PPDPFL: variants seen among roughly 807,000 people sequenced by gnomAD.
The protein encoded by PPDPFL is pancreatic progenitor cell differentiation and proliferation factor like.
A neutral mutation model predicts 12.6 loss-of-function variants in PPDPFL; 12 were observed. The observed-to-expected ratio is 0.95, with a 90% confidence interval of 0.61 to 1.54. The LOEUF (loss-of-function observed/expected upper bound fraction) is 1.54, where lower values mean the gene tolerates loss of function less well. Ranked by LOEUF, PPDPFL falls within the 40% of genes most tolerant of loss-of-function variation. PPDPFL has a pLI of 0.00. For synonymous variants in PPDPFL, 24 were observed against 32.7 expected (o/e 0.73, Z 0.91); for missense variants, 114 against 96.0 (o/e 1.19, Z -0.78).
upstream of PPDPFL, among the ~76,000 whole-genome samples, chr8:49,071,343 G>T (rs999226921): frequency 1.3e-5 from 2 of 152,208 alleles, no homozygotes; most frequent in Non-Finnish European, 2.9e-5. Context: ...AATTTGATGC[G>T]TAAGTCAACT....
At chr8:49,072,301 C>T (rs1396954219), upstream of PPDPFL, 2 of 152,626 alleles carry the variant, frequency 1.3e-5, no homozygotes, top group African/African-American at 4.8e-5. Flanking sequence ...TTCCAGCCAG[C>T]CTGGGGCTTC....
chr8:49,060,981 T>C (rs1808190933), intron 1 of PPDPFL, among the ~76,000 whole-genome samples: 2 of 152,048 alleles, frequency 1.3e-5, no homozygotes, highest in Admixed American at 6.5e-5. Context: ...TCCCCCTACA[T>C]AGTCCTCATG....
chr8:49,063,395 G>C (rs913083378), intron 1 of PPDPFL, among the ~76,000 whole-genome samples: 3 of 152,168 alleles, frequency 2.0e-5, no homozygotes, highest in Non-Finnish European at 2.9e-5. Flanking sequence ...CATCCTGGGA[G>C]AAATGGCTGA....
Position 49,072,868 on chromosome 8 carries a change from G to T in PPDPFL, c.38G>T (p.Arg13Ile), listed in dbSNP as rs764015093. 2 of 1,606,390 alleles carry T rather than the reference G, an allele frequency of 1.2e-6. No individual in the cohort carries two copies. Among genetic ancestry groups the T allele is most frequent in the African/African-American group, 2.7e-5 (2 of 74,444 alleles). Residue 13 changes from arginine to isoleucine, a missense_variant, in exon 2 of 5, where the codon AGA (arginine) becomes ATA (isoleucine). Arg to Ile is a moderately conservative substitution (Grantham distance 97). Coordinates refer to ENST00000522267, the MANE Select transcript of PPDPFL (RefSeq NM_001256597.2). ...SVPSIGCLLA[R>I]NQYYRKSSVS... ...CCTTCCATTGGTTGCCTTCTAGCCA[G>T]AAATCAGTATTATCGAAGTAAGTTG...
chr8:49,057,873 C>G (rs1483972761), intron 1 of PPDPFL, among the ~76,000 whole-genome samples: 2 of 151,994 alleles, frequency 1.3e-5, no homozygotes, highest in Non-Finnish European at 2.9e-5. Context: ...TAAAGGAGAA[C>G]AGTAATTGGG....
intron 1 of PPDPFL, among the ~76,000 whole-genome samples, chr8:49,065,006 T>C (rs1255569681): frequency 1.3e-5 from 2 of 152,236 alleles, no homozygotes; most frequent in Non-Finnish European, 2.9e-5. Flanking sequence ...ATCAGTATAT[T>C]GACCGTTACT....
At chr8:49,066,884 T>C (rs1808308932) in intron 1 of PPDPFL, among the ~76,000 whole-genome samples, 1 of 152,140 alleles carries the variant, frequency 6.6e-6, no homozygotes, top group Non-Finnish European at 1.5e-5. Context: ...TCCCGTGTCC[T>C]GGCTCTGGCA....
chr8:49,063,846 T>C (rs541915527), intron 1 of PPDPFL, among the ~76,000 whole-genome samples: 1 of 152,126 alleles, frequency 6.6e-6, no homozygotes, highest in South Asian at 2.1e-4. Flanking sequence ...TGGGGGGAAG[T>C]CCGGAGAAAA....
At chr8:49,061,032 G>C (rs1017258676) in intron 1 of PPDPFL, among the ~76,000 whole-genome samples, 2 of 151,996 alleles carry the variant, frequency 1.3e-5, no homozygotes, top group Admixed American at 1.3e-4. Flanking sequence ...CAGTAGGGCT[G>C]GGCTGTTGGA....
At chr8:49,063,463 T>C (rs1808245595) in intron 1 of PPDPFL, among the ~76,000 whole-genome samples, 1 of 152,196 alleles carries the variant, frequency 6.6e-6, no homozygotes, top group Non-Finnish European at 1.5e-5. Flanking sequence ...CTCATGCCTG[T>C]AGTCCCAGCA....
At position 49,056,549 on chromosome 8, in the gene PPDPFL, C is replaced by A. The variant is rs898394051; in HGVS notation, c.-45+2180C>A. ...CCTTCTGTATTCACATCATAATAAG[C>A]CCTGGTGTGTAGTATACATACACAA... On this transcript the variant is annotated intron_variant, in intron 1 of 4. Coordinates refer to the PPDPFL transcript ENST00000517663. Among the ~76,000 whole-genome samples the A allele has an allele frequency of 2.6e-5, 4 of 152,168 alleles. No homozygotes were observed. The East Asian group carries it at 7.7e-4, about 29-fold the overall frequency.
chr8:49,074,427 G>A (rs1808453194), intron 4 of PPDPFL, 94 bp downstream of exon 4: 1 of 1,562,288 alleles, frequency 6.4e-7, no homozygotes, highest in Non-Finnish European at 8.7e-7. Context: ...AGGGTACATA[G>A]TTGTCTCTTG....
At position 49,074,043 on chromosome 8, in the gene PPDPFL, C is replaced by T. The variant is rs1808442344; in HGVS notation, c.56-16C>T. On this transcript the variant is annotated splice_polypyrimidine_tract_variant and intron_variant, in intron 2 of 4. Coordinates refer to ENST00000522267, the MANE Select transcript of PPDPFL (RefSeq NM_001256597.2). ...TGCCAGTTATTTATTTGTTTAATAT[C>T]ATTTGTTTCCTACAGAGTCCAGTGT... The T allele has an allele frequency of 7.6e-6, 12 of 1,572,262 alleles. No individual in the cohort carries two copies. Among genetic ancestry groups the T allele is most frequent in the Non-Finnish European group, 1.0e-5 (12 of 1,144,916 alleles).
At position 49,072,358 on chromosome 8, in the gene PPDPFL, G is replaced by C. The variant is rs988897616; in HGVS notation, c.-169G>C. 1 of 153,464 alleles carries C rather than the reference G, an allele frequency of 6.5e-6. No individual in the cohort carries two copies. Among genetic ancestry groups the C allele is most frequent in the Non-Finnish European group, 1.4e-5 (1 of 69,022 alleles). The allele number at this position is 153,464 out of a possible 1,614,324, so 9.5% of individuals were successfully genotyped here. A position where few individuals can be genotyped will look rare whatever the true frequency, so the allele number is the denominator to read the frequency against. On this transcript the variant is annotated 5_prime_UTR_variant, in exon 1 of 5. Transcript: ENST00000522267. Reference sequence around the variant, plus strand: ...GGTCTCCCATCACGGACCTACCACTGGCCCTGCGTATGTGGTGCAGCCTCT... The same window carrying C: ...GGTCTCCCATCACGGACCTACCACTCGCCCTGCGTATGTGGTGCAGCCTCT...
intron 1 of PPDPFL, among the ~76,000 whole-genome samples, chr8:49,059,853 A>G (rs967959677): frequency 6.6e-6 from 1 of 152,210 alleles, no homozygotes. Flanking sequence ...GCTTGAGAAA[A>G]TTTAGCCAAG....
intron 1 of PPDPFL, among the ~76,000 whole-genome samples, chr8:49,063,271 C>A (rs1241083894): frequency 6.6e-6 from 1 of 152,118 alleles, no homozygotes; most frequent in Non-Finnish European, 1.5e-5. Flanking sequence ...TGGTCACTGC[C>A]CTGTGATGCA....
At chr8:49,066,007 C>G (rs1005911609) in intron 1 of PPDPFL, among the ~76,000 whole-genome samples, 1 of 152,332 alleles carries the variant, frequency 6.6e-6, no homozygotes, top group South Asian at 2.1e-4. Context: ...GTAGCTTCTT[C>G]CAAGATGGTT....
At chr8:49,064,865 C>G (rs1286416011) in intron 1 of PPDPFL, among the ~76,000 whole-genome samples, 1 of 152,134 alleles carries the variant, frequency 6.6e-6, no homozygotes. Context: ...AAATTTCGAT[C>G]TGACATGAAA....
At chr8:49,055,707 G>A (rs542534497) in intron 1 of PPDPFL, among the ~76,000 whole-genome samples, 1 of 152,068 alleles carries the variant, frequency 6.6e-6, no homozygotes, top group Non-Finnish European at 1.5e-5. Context: ...GTTTAATAAG[G>A]CATTTCAGAT....
Sources: gnomAD v4.1 joint callset for allele counts (sites outside exome capture counted in the v4.1 genomes callset) on GRCh38, gnomAD v4.1.1 for gene constraint, MANE v1.5 for transcripts, NCBI Gene and HGNC (gene_info 2026-07-23, HGNC 2026-07-21) for gene names.